The following SKAP1 variants were observed in gnomAD, a reference collection of about 807,000 sequenced individuals.
SKAP1 encodes src kinase-associated phosphoprotein 1.
Under a neutral mutation model 58.5 loss-of-function variants are expected in SKAP1, and 44 were observed. The observed-to-expected ratio is 0.75, with a 90% CI of 0.59 to 0.97. The LOEUF is 0.97. Among genes scored for constraint, SKAP1 ranks in the 50% least tolerant of loss-of-function variants. SKAP1 has a pLI of 0.00. For synonymous variants in SKAP1, 127 were observed against 149.7 expected (o/e 0.85, Z 1.11); for missense variants, 390 against 435.2 (o/e 0.90, Z 0.92).
chr17:48,283,335 T>C (rs1249129337), intron 4 of SKAP1, among the ~76,000 whole-genome samples: 1 of 152,192 alleles, frequency 6.6e-6, no homozygotes, highest in African/African-American at 2.4e-5. Context: ...AATAATAAAA[T>C]TTAGATGCAT....
At chr17:48,178,942 T>TG (rs2064330393) in intron 9 of SKAP1, among the ~76,000 whole-genome samples, 1 of 152,188 alleles carries the variant, frequency 6.6e-6, no homozygotes, top group Admixed American at 6.5e-5. Flanking sequence ...CAGGGACATG[T>TG]GGTCACAGTC....
chr17:48,256,503 C>T (rs931324661), intron 4 of SKAP1, among the ~76,000 whole-genome samples: 5 of 152,082 alleles, frequency 3.3e-5, no homozygotes, highest in East Asian at 3.8e-4. Flanking sequence ...TGTGGCATCA[C>T]GGAGTCACAC....
intron 4 of SKAP1, among the ~76,000 whole-genome samples, chr17:48,204,985 C>CTTTTCT (rs1246678466): frequency 2.7e-3 from 145 of 53,330 alleles, no homozygotes; most frequent in African/African-American, 9.5e-3. Context: ...TTCTTTCTTT[C>CTTTTCT]TTTCTTTCTT....
chr17:48,307,135 AG>A, intron 4 of SKAP1, among the ~76,000 whole-genome samples: 1 of 152,232 alleles, frequency 6.6e-6, no homozygotes, highest in East Asian at 1.9e-4. Flanking sequence ...TGTCCCAGGA[AG>A]GGGTCTTTTC....
chr17:48,351,441 T>C (rs2066799680), intron 3 of SKAP1, among the ~76,000 whole-genome samples: 1 of 152,112 alleles, frequency 6.6e-6, no homozygotes, highest in African/African-American at 2.4e-5. Context: ...CTTTTTTTTT[T>C]CCTTTACTAC....
chr17:48,277,236 T>C (rs2065711968), intron 4 of SKAP1, among the ~76,000 whole-genome samples: 1 of 152,238 alleles, frequency 6.6e-6, no homozygotes, highest in Non-Finnish European at 1.5e-5. Context: ...AAGAAAGTGT[T>C]ATTTATAGTT....
chr17:48,314,255 A>G (rs1254491642), intron 4 of SKAP1, among the ~76,000 whole-genome samples: 1 of 152,210 alleles, frequency 6.6e-6, no homozygotes, highest in Non-Finnish European at 1.5e-5. Flanking sequence ...ATTTTCCTTT[A>G]TATCATTTTT....
In SKAP1 at chr17:48,335,622, T is replaced by C. The variant is rs553850991; in HGVS notation, c.280+10283A>G. On this transcript the variant is annotated intron_variant, in intron 4 of 12. Transcript: ENST00000336915. Reference sequence around the variant, plus strand: ...ATAAGTTGTAAAATAATTGTAAAACTGGTAAAATTAATATGTTGTAGGAGA... The same window carrying C: ...ATAAGTTGTAAAATAATTGTAAAACCGGTAAAATTAATATGTTGTAGGAGA... 2.0e-4 allele frequency among the ~76,000 whole-genome samples: 30 copies of C among 152,168 alleles called. No homozygotes were observed. In the East Asian group the frequency reaches 5.6e-3, roughly 28 times the overall value.
At chr17:48,190,070 A>C (rs1012119924) in intron 4 of SKAP1, among the ~76,000 whole-genome samples, 19 of 151,778 alleles carry the variant, frequency 1.3e-4, no homozygotes, top group African/African-American at 4.4e-4. Context: ...TAGCGTAAAT[A>C]TGCACTGATG....
chr17:48,171,687 T>C (rs2064218846), intron 9 of SKAP1, among the ~76,000 whole-genome samples: 1 of 152,066 alleles, frequency 6.6e-6, no homozygotes. Flanking sequence ...ATTATCTCTA[T>C]GCAAGCATTC....
At position 48,170,620 on chromosome 17, in the gene SKAP1, C is replaced by T. The variant is rs781219641; in HGVS notation, c.866G>A (p.Arg289Gln). ...AGAAGCTCTTATACCTCCTTTTCGTCGAGTGCCACTCTCATCCTCTTCTAG... is the reference window on the plus strand; with the variant it reads ...AGAAGCTCTTATACCTCCTTTTCGTTGAGTGCCACTCTCATCCTCTTCTAG... The part of the protein sequence containing the change: ...HDLEEDESGT[R>Q]RKGVDYASYY... The change falls in exon 10 of 13, where the codon CGA (arginine) becomes CAA (glutamine). Residue 289 changes from arginine (R) to glutamine (Q), a missense_variant. Coordinates refer to ENST00000336915, the MANE Select transcript of SKAP1 (RefSeq NM_003726.4). 3.7e-6 allele frequency: 6 copies of T among 1,613,654 alleles called. No individual in the cohort carries two copies. In the Admixed American group the frequency reaches 8.3e-5, roughly 22 times the overall value.
intron 12 of SKAP1, among the ~76,000 whole-genome samples, 161 bp from the exon 13 acceptor site, chr17:48,133,977 T>C (rs2063669436): frequency 6.6e-6 from 1 of 152,212 alleles, no homozygotes; most frequent in Non-Finnish European, 1.5e-5. Flanking sequence ...AAATATCCCA[T>C]ACAAATATAA....
chr17:48,180,315 A>G, intron 8 of SKAP1, 67 bp from the exon 9 acceptor site: 1 of 1,215,192 alleles, frequency 8.2e-7, no homozygotes, highest in Non-Finnish European at 1.1e-6. Context: ...GAAAGGAAAG[A>G]GGGAGAAGGA....
chr17:48,301,446 T>C (rs979277806), intron 4 of SKAP1, among the ~76,000 whole-genome samples: 1 of 152,116 alleles, frequency 6.6e-6, no homozygotes, highest in African/African-American at 2.4e-5. Context: ...AGTATTTGAA[T>C]TGAATCTAGA....
At chr17:48,338,440 C>G (rs959963244) in intron 4 of SKAP1, among the ~76,000 whole-genome samples, 1 of 152,190 alleles carries the variant, frequency 6.6e-6, no homozygotes, top group South Asian at 2.1e-4. Context: ...GCATGAGTCA[C>G]CGCGCCTGAC....
At chr17:48,396,837 G>C (rs1477385200) in intron 1 of SKAP1, 52 bp from the exon 2 acceptor site, 1 of 1,354,316 alleles carries the variant, frequency 7.4e-7, no homozygotes, top group African/African-American at 1.4e-5. Context: ...AAGGGAGAAA[G>C]GAAAATCAGA....
chr17:48,141,112 T>G (rs1020406753), intron 11 of SKAP1, among the ~76,000 whole-genome samples: 1 of 152,064 alleles, frequency 6.6e-6, no homozygotes, highest in Non-Finnish European at 1.5e-5. Context: ...AATCAATCCT[T>G]GAGTCCTGTC....
upstream of SKAP1, chr17:48,430,321 C>T (rs2067903612): frequency 3.6e-6 from 1 of 277,822 alleles, no homozygotes; most frequent in East Asian, 7.0e-5. Context: ...CGGAACGGGG[C>T]GCGGGGCGTG....
At chr17:48,143,434 A>G (rs1271178898) in intron 11 of SKAP1, among the ~76,000 whole-genome samples, 2 of 149,836 alleles carry the variant, frequency 1.3e-5, no homozygotes, top group Non-Finnish European at 3.0e-5. Context: ...CTAGCCTTGA[A>G]CTCCTGAGCT....
Sources: allele counts gnomAD v4.1 joint callset (sites outside exome capture counted in the v4.1 genomes callset), GRCh38; gene constraint gnomAD v4.1.1; transcripts MANE v1.5; gene names NCBI Gene and HGNC (gene_info 2026-07-23, HGNC 2026-07-21).